Variants in ADAMTSL1 observed in about 807,000 individuals in gnomAD.
ADAMTSL1 encodes the protein ADAMTS-like protein 1.
ADAMTSL1 carries 126 observed loss-of-function variants against 201.8 expected under a neutral mutation model. The observed-to-expected ratio is 0.62, with a 90% CI of 0.54 to 0.72. The LOEUF (loss-of-function observed/expected upper bound fraction) is 0.72, where lower values mean the gene tolerates loss of function less well. Among genes scored for constraint, ADAMTSL1 ranks in the 30% least tolerant of loss-of-function variants. The probability of loss-of-function intolerance (pLI) is 0.00; values close to 1 mark genes in which losing one functional copy is unlikely to be tolerated. For synonymous variants in ADAMTSL1, 1,121 were observed against 903.4 expected (o/e 1.24, Z -4.32); for missense variants, 2,679 against 2,277.8 (o/e 1.18, Z -3.59).
chr9:18,416,255 G>A (rs940068358), intron 2 of ADAMTSL1, among the ~76,000 whole-genome samples: 5 of 151,946 alleles, frequency 3.3e-5, no homozygotes, highest in Non-Finnish European at 5.9e-5. Flanking sequence ...TCTCATGAGA[G>A]CTATTGTGAT....
intron 2 of ADAMTSL1, among the ~76,000 whole-genome samples, chr9:18,309,911 G>A (rs545612290): frequency 6.6e-6 from 1 of 152,062 alleles, no homozygotes; most frequent in East Asian, 1.9e-4. Context: ...TAAAGGTGGA[G>A]GCATCATGCT....
chr9:18,153,189 C>G (rs1826994822), intron 1 of ADAMTSL1, among the ~76,000 whole-genome samples: 1 of 152,014 alleles, frequency 6.6e-6, no homozygotes, highest in South Asian at 2.1e-4. Context: ...TACTTGCCAA[C>G]TCTTTGAAGA....
At chr9:18,569,469 A>T (rs1822160300) in intron 3 of ADAMTSL1, among the ~76,000 whole-genome samples, 1 of 152,204 alleles carries the variant, frequency 6.6e-6, no homozygotes, top group South Asian at 2.1e-4. Context: ...CAGTAACATG[A>T]CACAGAGCTG....
rs552661536 is a variant in ADAMTSL1 at position 18,620,231 on chromosome 9, A to T, written c.475-2012A>T. Among the ~76,000 whole-genome samples the T allele has an allele frequency of 5.8e-4, 89 of 152,166 alleles. 1 individual carries two copies. The highest frequency in any genetic ancestry group is 2.0e-3 in the African/African-American group (85 of 41,532). On this transcript the variant is annotated intron_variant, in intron 4 of 28. Coordinates refer to ENST00000380548, the MANE Select transcript of ADAMTSL1 (RefSeq NM_001040272.6). ...AATCAAATTGAATTCTTCATATTTTATGCTCTCAGAGTGTCATGTGTCTGT... is the reference window on the plus strand; with the variant it reads ...AATCAAATTGAATTCTTCATATTTTTTGCTCTCAGAGTGTCATGTGTCTGT...
intron 1 of ADAMTSL1, among the ~76,000 whole-genome samples, chr9:17,979,014 T>C (rs1368134881): frequency 6.6e-6 from 1 of 151,900 alleles, no homozygotes; most frequent in Non-Finnish European, 1.5e-5. Flanking sequence ...TCTCCTGGCC[T>C]GCAAATTTTC....
intron 2 of ADAMTSL1, among the ~76,000 whole-genome samples, chr9:18,259,783 G>A (rs1052937560): frequency 6.6e-6 from 1 of 152,176 alleles, no homozygotes; most frequent in Non-Finnish European, 1.5e-5. Context: ...CGTGCTTAGA[G>A]TAATAGGAAA....
intron 19 of ADAMTSL1, among the ~76,000 whole-genome samples, chr9:18,792,886 AAT>A (rs1822145830): frequency 6.6e-6 from 1 of 152,240 alleles, no homozygotes; most frequent in South Asian, 2.1e-4. Context: ...GCTTCTTCGA[AAT>A]AAACTAACAT....
chr9:18,340,635 T>C (rs183051303), intron 2 of ADAMTSL1, among the ~76,000 whole-genome samples: 223 of 152,278 alleles, frequency 1.5e-3, no homozygotes, highest in African/African-American at 4.7e-3. Flanking sequence ...TGGGAGGTAA[T>C]TGAATCATGG....
intron 2 of ADAMTSL1, among the ~76,000 whole-genome samples, chr9:18,234,191 G>A (rs989710161): frequency 6.6e-6 from 1 of 152,202 alleles, no homozygotes; most frequent in Admixed American, 6.5e-5. Flanking sequence ...GCAGCTGGGT[G>A]CCTCGGAGGA....
chr9:18,486,302 A>T lies in ADAMTSL1; in HGVS notation c.63+12007A>T, dbSNP rs539403705. 4.6e-5 allele frequency among the ~76,000 whole-genome samples: 7 copies of T among 152,370 alleles called. No homozygotes were observed. In the East Asian group the frequency reaches 1.4e-3, roughly 29 times the overall value. On this transcript the variant is annotated intron_variant, in intron 1 of 28. Coordinates refer to ENST00000380548, the MANE Select transcript of ADAMTSL1 (RefSeq NM_001040272.6). The stretch of plus-strand genomic sequence containing the variant: ...AGTTAAGAACTTTCTGTCATTCAGC[A>T]AAGTGTGAATTCAGGCCCAAGTTTT...
intron 2 of ADAMTSL1, among the ~76,000 whole-genome samples, chr9:18,210,298 T>G (rs866331587): frequency 2.0e-5 from 3 of 150,700 alleles, no homozygotes; most frequent in Middle Eastern, 7.0e-3. Context: ...TTTAACTCAT[T>G]CATTAAAATT....
intron 23 of ADAMTSL1, among the ~76,000 whole-genome samples, chr9:18,835,734 G>C (rs886711370): frequency 2.0e-5 from 3 of 151,942 alleles, no homozygotes; most frequent in African/African-American, 7.2e-5. Flanking sequence ...TTTAGTTCCT[G>C]CTTCTAAGTG....
At chr9:18,379,253 G>C (rs940021004) in intron 2 of ADAMTSL1, among the ~76,000 whole-genome samples, 2 of 152,184 alleles carry the variant, frequency 1.3e-5, no homozygotes, top group African/African-American at 4.8e-5. Flanking sequence ...GAAACTCTAA[G>C]GAAACAGATG....
intron 13 of ADAMTSL1, among the ~76,000 whole-genome samples, chr9:18,696,593 T>C (rs1831563097): frequency 6.6e-6 from 1 of 152,064 alleles, no homozygotes; most frequent in South Asian, 2.1e-4. Flanking sequence ...ATTGTGGTAG[T>C]CCAGCAGAAA....
intron 2 of ADAMTSL1, among the ~76,000 whole-genome samples, chr9:18,176,255 C>A (rs144403372): frequency 6.6e-6 from 1 of 151,966 alleles, no homozygotes; most frequent in Non-Finnish European, 1.5e-5. Flanking sequence ...ATGTTTGACA[C>A]TACTTTGTTT....
chr9:18,039,810 T>C (rs182677628), intron 1 of ADAMTSL1, among the ~76,000 whole-genome samples: 47 of 152,254 alleles, frequency 3.1e-4, no homozygotes, highest in African/African-American at 1.0e-3. Flanking sequence ...AAATTATTAT[T>C]TAGTCAAGGT....
chr9:18,847,269 T>G (rs530664923), intron 23 of ADAMTSL1, among the ~76,000 whole-genome samples: 1 of 152,154 alleles, frequency 6.6e-6, no homozygotes, highest in African/African-American at 2.4e-5. Flanking sequence ...TAGGGGGCAT[T>G]TAACAGAGGA....
At chr9:18,719,131 A>T (rs1833162961) in intron 14 of ADAMTSL1, among the ~76,000 whole-genome samples, 1 of 152,186 alleles carries the variant, frequency 6.6e-6, no homozygotes, top group Admixed American at 6.5e-5. Flanking sequence ...CAAATGGCTC[A>T]TCCCATCTAC....
chr9:18,527,637 A>C (rs1819167360), intron 2 of ADAMTSL1, among the ~76,000 whole-genome samples: 1 of 152,194 alleles, frequency 6.6e-6, no homozygotes, highest in Admixed American at 6.5e-5. Flanking sequence ...GATTTTAAGA[A>C]GTGGAAGTTT....
Sources: gnomAD v4.1 joint callset for allele counts (sites outside exome capture counted in the v4.1 genomes callset) on GRCh38, gnomAD v4.1.1 for gene constraint, MANE v1.5 for transcripts, NCBI Gene and HGNC (gene_info 2026-07-23, HGNC 2026-07-21) for gene names.